TUBGCP3: variants seen among roughly 807,000 people sequenced by gnomAD.
TUBGCP3 encodes gamma-tubulin complex component 3.
Under a neutral mutation model 123.1 loss-of-function variants are expected in TUBGCP3, and 50 were observed. The ratio of observed to expected loss-of-function variants is 0.41; its 90% CI spans 0.32 to 0.51. The LOEUF (loss-of-function observed/expected upper bound fraction) is 0.51, where lower values mean the gene tolerates loss of function less well. Among genes scored for constraint, TUBGCP3 ranks in the 20% least tolerant of loss-of-function variants. TUBGCP3 has a pLI of 0.36. For synonymous variants in TUBGCP3, 405 were observed against 413.9 expected, an observed-to-expected ratio of 0.98 and a Z score of 0.26; for missense variants, 882 against 1,127.0, an observed-to-expected ratio of 0.78 and a Z score of 3.11.
intron 2 of TUBGCP3, 44 bp downstream of exon 2, chr13:112,569,108 C>T (rs928172432): frequency 3.8e-6 from 6 of 1,571,024 alleles, no homozygotes; most frequent in South Asian, 2.2e-5. Context: ...TAAGCTCTGA[C>T]GAGTTTAAGA....
the TUBGCP3 span, among the ~76,000 whole-genome samples, chr13:112,595,507 T>G: frequency 6.6e-6 from 1 of 152,162 alleles, no homozygotes; most frequent in African/African-American, 2.4e-5. Context: ...AATTAATACA[T>G]TTTGCAGCTC....
chr13:112,504,449 T>C (rs186830825), intron 18 of TUBGCP3, among the ~76,000 whole-genome samples, 177 bp downstream of exon 18: 145 of 146,034 alleles, frequency 9.9e-4, no homozygotes, highest in Non-Finnish European at 1.6e-3. Flanking sequence ...GATCACACCA[T>C]TGCACTCCAG....
intron 19 of TUBGCP3, among the ~76,000 whole-genome samples, chr13:112,501,739 A>T (rs1010999106): frequency 2.0e-5 from 3 of 152,218 alleles, no homozygotes; most frequent in Non-Finnish European, 4.4e-5. Context: ...AGCAAAGGCA[A>T]GTTCAGAAAT....
At chr13:112,534,709 C>T (rs1877897998) in intron 11 of TUBGCP3, among the ~76,000 whole-genome samples, 1 of 152,182 alleles carries the variant, frequency 6.6e-6, no homozygotes, top group Non-Finnish European at 1.5e-5. Context: ...GGAAAGGAGC[C>T]ACAGGAGCTA....
chr13:112,585,481 C>T (rs1190848665), intron 1 of TUBGCP3, among the ~76,000 whole-genome samples: 1 of 152,070 alleles, frequency 6.6e-6, no homozygotes, highest in Non-Finnish European at 1.5e-5. Flanking sequence ...CAGAGAGGGC[C>T]GGGCGCAGTG....
At chr13:112,543,342 T>C (rs1878686097) in intron 11 of TUBGCP3, among the ~76,000 whole-genome samples, 1 of 152,184 alleles carries the variant, frequency 6.6e-6, no homozygotes, top group African/African-American at 2.4e-5. Flanking sequence ...CTTACAAAGC[T>C]TCAGTTTTTA....
At chr13:112,574,503 A>G (rs923246111) in intron 1 of TUBGCP3, among the ~76,000 whole-genome samples, 4 of 152,274 alleles carry the variant, frequency 2.6e-5, no homozygotes, top group African/African-American at 9.6e-5. Flanking sequence ...GGATTTAAGG[A>G]AGATATAAAC....
At chr13:112,500,388 T>C (rs1880825241) in intron 19 of TUBGCP3, among the ~76,000 whole-genome samples, 1 of 152,176 alleles carries the variant, frequency 6.6e-6, no homozygotes, top group Non-Finnish European at 1.5e-5. Context: ...GGGATTCCCT[T>C]TGTGCTTAGA....
chr13:112,497,609 A>G lies in TUBGCP3; in HGVS notation c.2448+1436T>C, dbSNP rs556986201. Among the ~76,000 whole-genome samples, 3 of 152,346 alleles carry G rather than the reference A, an allele frequency of 2.0e-5. No homozygotes were observed. In the East Asian group the frequency reaches 5.8e-4, roughly 29 times the overall value. ...AAGACAGACACATGCTGAGAAACGC[A>G]TCGTTAGGTGATTTTGTCCCTATGT... On this transcript the variant is annotated intron_variant, in intron 20 of 21. Coordinates refer to ENST00000261965, the MANE Select transcript of TUBGCP3 (RefSeq NM_006322.6).
At chr13:112,559,427 G>C (rs752143619) in intron 3 of TUBGCP3, 28 bp from the exon 4 acceptor site, 1 of 1,566,020 alleles carries the variant, frequency 6.4e-7, no homozygotes, top group Admixed American at 1.7e-5. Flanking sequence ...AATATTAAAA[G>C]AACGATTTTA....
At chr13:112,531,512 TA>T (rs1228614989) in intron 11 of TUBGCP3, among the ~76,000 whole-genome samples, 6 of 152,204 alleles carry the variant, frequency 3.9e-5, no homozygotes, top group Non-Finnish European at 8.8e-5. Flanking sequence ...CAGATTAGAT[TA>T]ACTGCATATA....
At chr13:112,598,998 C>CAA in the TUBGCP3 span, among the ~76,000 whole-genome samples, 1,598 of 124,922 alleles carry the variant, frequency 0.013, 17 homozygotes, top group African/African-American at 0.033. Context: ...TCTATAAATA[C>CAA]AAAAAAAAAA....
rs1448377028 is a variant in TUBGCP3, at chr13:112,553,898, G to A, written c.966+159C>T. ...TTCAGTGTCCTCATCAGCACCTACT[G>A]TGGTTTCTACTGTCTTGAGTGGACC... On this transcript the variant is annotated intron_variant, in intron 8 of 21. Transcript: ENST00000261965. Among the ~76,000 whole-genome samples the A allele has an allele frequency of 2.0e-5, 3 of 152,210 alleles. No homozygotes were observed. In the East Asian group the frequency reaches 5.8e-4, roughly 29 times the overall value.
At chr13:112,573,718 C>T (rs1322721596) in intron 1 of TUBGCP3, among the ~76,000 whole-genome samples, 1 of 152,210 alleles carries the variant, frequency 6.6e-6, no homozygotes, top group Non-Finnish European at 1.5e-5. Flanking sequence ...TGGATTGGAG[C>T]TGGTGCCAGG....
Position 112,485,813 on chromosome 13 carries a change from A to C in TUBGCP3, c.*180T>G, listed in dbSNP as rs1313983778. 1.5e-6 allele frequency: 1 copy of C among 680,524 alleles called. No individual in the cohort carries two copies. Among genetic ancestry groups the C allele is most frequent in the Non-Finnish European group, 2.4e-6 (1 of 409,028 alleles). 42.2% of individuals were successfully genotyped at this position (680,524 alleles called of 1,614,324 possible). A position where few individuals can be genotyped will look rare whatever the true frequency, so the allele number is the denominator to read the frequency against. On this transcript the variant is annotated 3_prime_UTR_variant, in exon 22 of 22. Transcript: ENST00000261965. ...ACTTAGGGATTTACAAATGCATTCG[A>C]CTCCGACATGTGAAACACGACGTGG... is the stretch of plus-strand genomic sequence containing the variant.
At chr13:112,488,814 C>A (rs182062314) in intron 21 of TUBGCP3, among the ~76,000 whole-genome samples, 2,500 of 138,438 alleles carry the variant, frequency 0.018, 22 homozygotes, top group Non-Finnish European at 0.031. Flanking sequence ...AAAGGGGTCA[C>A]CCCCAGGTCC....
intron 5 of TUBGCP3, 145 bp from the exon 6 acceptor site, chr13:112,556,369 G>T: frequency 1.2e-6 from 1 of 803,164 alleles, no homozygotes; most frequent in African/African-American, 1.7e-5. Flanking sequence ...TACCCTAACC[G>T]AATATATCAA....
intron 17 of TUBGCP3, among the ~76,000 whole-genome samples, chr13:112,513,008 C>T (rs576574190): frequency 1.4e-4 from 22 of 152,170 alleles, no homozygotes; most frequent in African/African-American, 5.1e-4. Flanking sequence ...CCCTCAAGAA[C>T]ATAAGAGATC....
At chr13:112,556,878 A>G (rs1880092582) in intron 5 of TUBGCP3, among the ~76,000 whole-genome samples, 2 of 152,236 alleles carry the variant, frequency 1.3e-5, no homozygotes, top group Non-Finnish European at 2.9e-5. Flanking sequence ...TAATAGCGTC[A>G]GTTTTGACAG....
Sources: gnomAD v4.1 joint callset for allele counts (sites outside exome capture counted in the v4.1 genomes callset) on GRCh38, gnomAD v4.1.1 for gene constraint, MANE v1.5 for transcripts, NCBI Gene and HGNC (gene_info 2026-07-23, HGNC 2026-07-21) for gene names.